The following RABGEF1 variants were observed in gnomAD, a reference collection of about 807,000 sequenced individuals.
The protein encoded by RABGEF1 is RAB guanine nucleotide exchange factor 1.
In RABGEF1, 26 loss-of-function variants were observed where a neutral mutation model predicts 57.3. The observed-to-expected ratio is 0.45, with a 90% CI of 0.33 to 0.63. The LOEUF is 0.63. Among genes scored for constraint, RABGEF1 ranks in the 20% least tolerant of loss-of-function variants. The pLI is 0.02. For missense variants in RABGEF1, 464 were observed against 607.6 expected (o/e 0.76, Z 2.48); for synonymous variants, 185 against 210.7 (o/e 0.88, Z 1.06).
intron 5 of RABGEF1, 146 bp downstream of exon 5, chr7:66,795,738 T>A: frequency 2.7e-6 from 2 of 734,534 alleles, no homozygotes; most frequent in East Asian, 2.7e-5. Flanking sequence ...ACTGGTCTTA[T>A]ACTTAGCAGT....
In RABGEF1 at chr7:66,720,509, A is replaced by T. The variant is rs563982869; in HGVS notation, c.-815+8285A>T. ...TACTGTGCCCACCCCACTGATAATT[A>T]AAAAAAAAAAAAATCAGCAAACTAA... On this transcript the variant is annotated intron_variant and NMD_transcript_variant, in intron 2 of 9. Coordinates refer to the RABGEF1 transcript ENST00000607882. 1.1e-3 allele frequency among the ~76,000 whole-genome samples: 79 copies of T among 74,578 alleles called. No homozygotes were observed. In the South Asian group the frequency reaches 0.026, roughly 24 times the overall value. The allele number at this position is 74,578 out of a possible 152,430, so 48.9% of individuals were successfully genotyped here. A position where few individuals can be genotyped will look rare whatever the true frequency, so the allele number is the denominator to read the frequency against.
At chr7:66,775,890 T>A (rs1371848950) in intron 3 of RABGEF1, among the ~76,000 whole-genome samples, 1 of 152,124 alleles carries the variant, frequency 6.6e-6, no homozygotes, top group African/African-American at 2.4e-5. Flanking sequence ...GTTGGGCTCT[T>A]GGGGGGATGA....
At chr7:66,744,019 CTTTTT>C (rs1399620232) in intron 1 of RABGEF1, among the ~76,000 whole-genome samples, 1 of 146,586 alleles carries the variant, frequency 6.8e-6, no homozygotes, top group Non-Finnish European at 1.5e-5. Context: ...TGATTATTTG[CTTTTT>C]TCTTTTCTTT....
At chr7:66,803,572 T>C (rs1787776406) in intron 7 of RABGEF1, among the ~76,000 whole-genome samples, 1 of 152,200 alleles carries the variant, frequency 6.6e-6, no homozygotes, top group African/African-American at 2.4e-5. Context: ...AGCCCACTGC[T>C]TGGACTTAGT....
At chr7:66,659,986 C>A in the RABGEF1 span, among the ~76,000 whole-genome samples, 1 of 149,996 alleles carries the variant, frequency 6.7e-6, no homozygotes, top group Non-Finnish European at 1.5e-5. Flanking sequence ...GCAAAATTGA[C>A]AAATTTTTAG....
chr7:66,730,547 GTTTCTT>G (rs1410644481), intron 2 of RABGEF1, among the ~76,000 whole-genome samples: 2 of 149,272 alleles, frequency 1.3e-5, no homozygotes, highest in Non-Finnish European at 3.0e-5. Context: ...ATAGCACTTG[GTTTCTT>G]TTTCTTTTTT....
the RABGEF1 span, among the ~76,000 whole-genome samples, chr7:66,676,979 G>T: frequency 6.6e-6 from 1 of 152,160 alleles, no homozygotes; most frequent in African/African-American, 2.4e-5. Context: ...TGGTTTCATA[G>T]CCAAGAAATC....
chr7:66,781,641 GGT>G (rs1809931152), intron 3 of RABGEF1, among the ~76,000 whole-genome samples: 1 of 152,064 alleles, frequency 6.6e-6, no homozygotes, highest in Non-Finnish European at 1.5e-5. Context: ...TCTCATCTTG[GGT>G]AGTTTCCTCA....
At chr7:66,695,736 C>T (rs1436968033) in intron 1 of RABGEF1, among the ~76,000 whole-genome samples, 1 of 152,054 alleles carries the variant, frequency 6.6e-6, no homozygotes, top group East Asian at 1.9e-4. Context: ...GAGGCTGAGG[C>T]AGGAGGATCA....
the RABGEF1 span, among the ~76,000 whole-genome samples, chr7:66,659,871 C>T: frequency 9.9e-5 from 15 of 151,758 alleles, no homozygotes; most frequent in South Asian, 2.1e-3. Context: ...AAAAGAAGAA[C>T]TAAACCCAAG....
chr7:66,691,156 T>C (rs1226925740), intron 1 of RABGEF1, among the ~76,000 whole-genome samples: 2 of 152,176 alleles, frequency 1.3e-5, no homozygotes, highest in East Asian at 3.8e-4. Context: ...AAAAGTCTCA[T>C]ATATTGTTGG....
chr7:66,808,578 A>G (rs1257338727), intron 8 of RABGEF1, among the ~76,000 whole-genome samples: 1 of 152,130 alleles, frequency 6.6e-6, no homozygotes, highest in Non-Finnish European at 1.5e-5. Context: ...TCTGTGTGCC[A>G]CACCTACTTG....
chr7:66,806,638 TC>T (rs1002588389), intron 8 of RABGEF1, among the ~76,000 whole-genome samples: 4 of 143,538 alleles, frequency 2.8e-5, no homozygotes, highest in African/African-American at 1.1e-4. Flanking sequence ...TACTCATATA[TC>T]CTTTTTTTTT....
chr7:66,772,992 T>C (rs961208462), intron 2 of RABGEF1, among the ~76,000 whole-genome samples: 2 of 151,982 alleles, frequency 1.3e-5, no homozygotes, highest in African/African-American at 4.8e-5. Flanking sequence ...TGAATAATGT[T>C]AATTCTTTGC....
At chr7:66,758,997 A>G (rs1296530471) in intron 1 of RABGEF1, among the ~76,000 whole-genome samples, 1 of 152,244 alleles carries the variant, frequency 6.6e-6, no homozygotes, top group Admixed American at 6.5e-5. Context: ...TACATGTTAC[A>G]TAACTATAAT....
intron 1 of RABGEF1, among the ~76,000 whole-genome samples, chr7:66,695,452 A>C (rs1002829189): frequency 2.0e-5 from 3 of 152,180 alleles, no homozygotes; most frequent in Non-Finnish European, 4.4e-5. Context: ...GCTTTGACGC[A>C]AGAGGTTCCA....
chr7:66,693,734 A>C (rs1392558729), intron 1 of RABGEF1, among the ~76,000 whole-genome samples: 6 of 152,230 alleles, frequency 3.9e-5, no homozygotes, highest in African/African-American at 1.4e-4. Context: ...GAGAGAGAGG[A>C]CTACGACCCT....
chr7:66,772,404 G>A (rs1333510098), intron 2 of RABGEF1, among the ~76,000 whole-genome samples: 3 of 152,024 alleles, frequency 2.0e-5, no homozygotes, highest in Admixed American at 6.6e-5. Context: ...TAAATTTGAC[G>A]TACCCACTGC....
intron 1 of RABGEF1, among the ~76,000 whole-genome samples, chr7:66,695,576 A>G (rs1219424046): frequency 6.6e-6 from 1 of 152,010 alleles, no homozygotes; most frequent in Non-Finnish European, 1.5e-5. Flanking sequence ...GCCAGGCTGG[A>G]GAGAGTTTTG....
Sources: gnomAD v4.1 joint callset for allele counts (sites outside exome capture counted in the v4.1 genomes callset) on GRCh38, gnomAD v4.1.1 for gene constraint, MANE v1.5 for transcripts, NCBI Gene and HGNC (gene_info 2026-07-23, HGNC 2026-07-21) for gene names.